Variants in ERC2 observed in about 807,000 individuals in gnomAD.
ERC2 encodes the protein ERC protein 2.
A neutral mutation model predicts 114.8 loss-of-function variants in ERC2; 42 were observed. The observed-to-expected ratio is 0.37, with a 90% CI of 0.29 to 0.47. The LOEUF is 0.47. Ranked by LOEUF, ERC2 falls within the 20% of genes least tolerant of loss-of-function variation. The probability of loss-of-function intolerance (pLI) is 0.99; values close to 1 mark genes in which losing one functional copy is unlikely to be tolerated. For synonymous variants in ERC2, 454 were observed against 425.5 expected, an observed-to-expected ratio of 1.07 and a Z score of -0.82; for missense variants, 939 against 1,150.7, an observed-to-expected ratio of 0.82 and a Z score of 2.66.
chr3:55,526,045 G>A (rs748542330), intron 17 of ERC2, among the ~76,000 whole-genome samples: 2 of 152,198 alleles, frequency 1.3e-5, no homozygotes, highest in African/African-American at 2.4e-5. Context: ...GTTCTTAGAA[G>A]AGGAAAAATT....
At chr3:55,851,498 C>G (rs1193146175) in intron 14 of ERC2, among the ~76,000 whole-genome samples, 1 of 152,144 alleles carries the variant, frequency 6.6e-6, no homozygotes, top group Non-Finnish European at 1.5e-5. Flanking sequence ...TTCTGGCTTG[C>G]GTGCCCAACC....
chr3:55,898,290 G>A (rs777857504), intron 13 of ERC2, among the ~76,000 whole-genome samples: 1 of 152,056 alleles, frequency 6.6e-6, no homozygotes, highest in Non-Finnish European at 1.5e-5. Context: ...GTGGTGTAGG[G>A]GTATATCTCG....
intron 7 of ERC2, among the ~76,000 whole-genome samples, chr3:56,040,637 C>CAA (rs1560072825): frequency 2.1e-5 from 2 of 94,646 alleles, no homozygotes; most frequent in Admixed American, 1.0e-4. Flanking sequence ...TGTATATATA[C>CAA]ATATATAGAT....
At chr3:56,249,354 C>G (rs566036773) in intron 3 of ERC2, among the ~76,000 whole-genome samples, 81 of 151,718 alleles carry the variant, frequency 5.3e-4, no homozygotes, top group African/African-American at 1.9e-3. Context: ...GAGACAGAGT[C>G]TCGCTCTGTC....
intron 14 of ERC2, among the ~76,000 whole-genome samples, chr3:55,759,467 A>ACAAAAC (rs1559609721): frequency 1.4e-4 from 2 of 14,736 alleles, no homozygotes; most frequent in African/African-American, 3.7e-4. Flanking sequence ...TTCATTAAAA[A>ACAAAAC]AAAAAAAAAA....
intron 17 of ERC2, among the ~76,000 whole-genome samples, chr3:55,674,476 T>G (rs925540950): frequency 2.6e-5 from 4 of 152,208 alleles, no homozygotes; most frequent in African/African-American, 9.7e-5. Flanking sequence ...CTTATTAAAT[T>G]TCCTAAGTTT....
intron 17 of ERC2, among the ~76,000 whole-genome samples, chr3:55,627,381 G>A (rs926892446): frequency 3.3e-5 from 5 of 152,014 alleles, no homozygotes; most frequent in African/African-American, 4.8e-5. Context: ...CAGGAGAATC[G>A]CTTGAACCCA....
intron 16 of ERC2, among the ~76,000 whole-genome samples, chr3:55,687,167 A>G (rs1324295541): frequency 6.6e-6 from 1 of 152,204 alleles, no homozygotes; most frequent in Non-Finnish European, 1.5e-5. Flanking sequence ...TATGTTGATG[A>G]CAAGCTCTAA....
chr3:56,151,920 T>C (rs998847658), intron 4 of ERC2, among the ~76,000 whole-genome samples: 4 of 152,232 alleles, frequency 2.6e-5, no homozygotes, highest in Non-Finnish European at 5.9e-5. Context: ...TACGCCCTAA[T>C]CGCCAAAGAG....
intron 14 of ERC2, among the ~76,000 whole-genome samples, chr3:55,817,380 T>C (rs1181001291): frequency 6.6e-6 from 1 of 152,228 alleles, no homozygotes; most frequent in Non-Finnish European, 1.5e-5. Flanking sequence ...GGCAGCCCTC[T>C]GCTGCCTCTC....
intron 4 of ERC2, among the ~76,000 whole-genome samples, chr3:56,151,948 T>C (rs189237142): frequency 1.3e-3 from 192 of 152,362 alleles, no homozygotes; most frequent in African/African-American, 4.0e-3. Context: ...CATCTGAACA[T>C]TTTTACAAGT....
At chr3:56,322,037 A>G (rs2057149710) in intron 2 of ERC2, among the ~76,000 whole-genome samples, 1 of 152,244 alleles carries the variant, frequency 6.6e-6, no homozygotes, top group South Asian at 2.1e-4. Flanking sequence ...CTGGAATCAC[A>G]CAAGCATGGA....
rs141624137 is a variant in ERC2, at chr3:56,127,616, G to A, written c.1473+11893C>T. Among the ~76,000 whole-genome samples, 707 of 152,062 alleles carry A rather than the reference G, an allele frequency of 4.6e-3. 5 individuals are homozygous for A. Among genetic ancestry groups the A allele is most frequent in the South Asian group, 0.024 (117 of 4,812 alleles). ...CAGATGCCTGCAATCCCAGCTACTC[G>A]GGAGGCTGAGGCAGGAGAATTGCTT... On this transcript the variant is annotated intron_variant, in intron 6 of 17. Coordinates refer to ENST00000288221, the MANE Select transcript of ERC2 (RefSeq NM_015576.3).
At chr3:55,650,698 T>C (rs2060580573) in intron 17 of ERC2, among the ~76,000 whole-genome samples, 1 of 152,186 alleles carries the variant, frequency 6.6e-6, no homozygotes, top group African/African-American at 2.4e-5. Context: ...ATTAAATGAA[T>C]GAAGAAATTC....
chr3:56,295,249 G>C (rs1028799175), intron 3 of ERC2, among the ~76,000 whole-genome samples: 1 of 152,188 alleles, frequency 6.6e-6, no homozygotes, highest in Non-Finnish European at 1.5e-5. Flanking sequence ...CCCTACAGCA[G>C]TTTTGCCTGC....
intron 17 of ERC2, among the ~76,000 whole-genome samples, chr3:55,622,614 T>C (rs750065316): frequency 2.0e-5 from 3 of 152,054 alleles, no homozygotes; most frequent in Non-Finnish European, 4.4e-5. Context: ...AGAGTAGCAG[T>C]GCTAACCTAG....
chr3:55,996,908 G>C (rs1468399309), intron 10 of ERC2, among the ~76,000 whole-genome samples: 1 of 152,168 alleles, frequency 6.6e-6, no homozygotes, highest in Non-Finnish European at 1.5e-5. Flanking sequence ...GCCAAAAATG[G>C]CTAAAGCCAA....
At chr3:55,914,233 A>C (rs1009079790) in intron 13 of ERC2, among the ~76,000 whole-genome samples, 1 of 152,154 alleles carries the variant, frequency 6.6e-6, no homozygotes, top group East Asian at 1.9e-4. Flanking sequence ...TTTTTTCTGT[A>C]TGGGCTAGTT....
At chr3:55,962,743 A>C (rs2068475469) in intron 12 of ERC2, among the ~76,000 whole-genome samples, 1 of 152,244 alleles carries the variant, frequency 6.6e-6, no homozygotes, top group African/African-American at 2.4e-5. Context: ...TGAATATCAG[A>C]GCCAAGATTC....
Sources: allele counts gnomAD v4.1 joint callset (sites outside exome capture counted in the v4.1 genomes callset), GRCh38; gene constraint gnomAD v4.1.1; transcripts MANE v1.5; gene names NCBI Gene and HGNC (gene_info 2026-07-23, HGNC 2026-07-21).